The following RNF19A variants were observed in gnomAD, a reference collection of about 807,000 sequenced individuals.
RNF19A encodes the protein ring finger protein 19A, RBR E3 ubiquitin protein ligase, also known as E3 ubiquitin-protein ligase RNF19A.
RNF19A carries 32 observed loss-of-function variants against 75.7 expected under a neutral mutation model. The ratio of observed to expected loss-of-function variants is 0.42; its 90% CI spans 0.32 to 0.57. The LOEUF (loss-of-function observed/expected upper bound fraction) is 0.57. RNF19A is among the 20% of genes least tolerant of loss of function. The pLI, the probability that RNF19A is intolerant of heterozygous loss-of-function variation, is 0.10. For missense variants in RNF19A, 782 were observed against 1,036.3 expected, an observed-to-expected ratio of 0.75 and a Z score of 3.37; for synonymous variants, 335 against 345.2, an observed-to-expected ratio of 0.97 and a Z score of 0.33.
intron 1 of RNF19A, among the ~76,000 whole-genome samples, chr8:100,298,801 A>T (rs1162660757): frequency 6.6e-6 from 1 of 152,234 alleles, no homozygotes; most frequent in Non-Finnish European, 1.5e-5. Context: ...AAAGGAATAA[A>T]GCATTACTCA....
At chr8:100,266,844 T>A (rs1333962353) in intron 5 of RNF19A, among the ~76,000 whole-genome samples, 1 of 152,208 alleles carries the variant, frequency 6.6e-6, no homozygotes, top group East Asian at 1.9e-4. Flanking sequence ...TTTACTCACT[T>A]AAAACCTTCA....
intron 1 of RNF19A, among the ~76,000 whole-genome samples, chr8:100,303,005 G>C (rs1480046911): frequency 6.6e-6 from 1 of 152,206 alleles, no homozygotes; most frequent in Non-Finnish European, 1.5e-5. Flanking sequence ...CGAAAGAGCT[G>C]TTTAGTCTCT....
chr8:100,333,817 G>T lies in RNF19A; in HGVS notation c.-243+2291C>A, dbSNP rs569087052. Among the ~76,000 whole-genome samples, 133 of 152,274 alleles carry T rather than the reference G, an allele frequency of 8.7e-4. No homozygotes were observed. Among genetic ancestry groups the T allele is most frequent in the African/African-American group, 3.2e-3 (131 of 41,548 alleles). The stretch of plus-strand genomic sequence containing the variant: ...TGGGCAATAGAGTGACACCCTGTCT[G>T]TAAACAATAACAACAAAAACCGAAA... On this transcript the variant is annotated intron_variant, in intron 1 of 3. Coordinates refer to the RNF19A transcript ENST00000519527. The surrounding 1 kb of genome is among the most constrained non-coding windows in gnomAD (Gnocchi z 4.7).
In RNF19A at chr8:100,334,227, C is replaced by T. The variant is rs114382433; in HGVS notation, c.-243+1881G>A. Among the ~76,000 whole-genome samples the T allele has an allele frequency of 8.4e-3, 1,286 of 152,358 alleles. 22 individuals are homozygous for T. The highest frequency in any genetic ancestry group is 0.029 in the African/African-American group (1,212 of 41,576). On this transcript the variant is annotated intron_variant, in intron 1 of 3. Transcript: ENST00000519527. ...ATCATAGCCACAACATAATGCTTCA[C>T]GGTTCTGCCACCATTTCTTGTGTGC...
At position 100,329,728 on chromosome 8, in the gene RNF19A, G is replaced by A. The variant is rs947201802; in HGVS notation, c.-243+6380C>T. On this transcript the variant is annotated intron_variant, in intron 1 of 3. Transcript: ENST00000519527. This position sits in a 1 kb window ranked among gnomAD's most constrained non-coding sequence, Gnocchi z 4.3. ...AGAGAGAAAAGACTAGAGCAGAAAT[G>A]AAGTGTCTTCCAACACTTAAAGGAT... Among the ~76,000 whole-genome samples, 1 of 152,184 alleles carries A rather than the reference G, an allele frequency of 6.6e-6. No homozygotes were observed. Among genetic ancestry groups the A allele is most frequent in the African/African-American group, 2.4e-5 (1 of 41,434 alleles).
intron 7 of RNF19A, among the ~76,000 whole-genome samples, chr8:100,263,315 T>C (rs1819814259): frequency 6.6e-6 from 1 of 152,144 alleles, no homozygotes; most frequent in East Asian, 1.9e-4. Flanking sequence ...GGGTAGAGTC[T>C]CTACCATGTC....
At chr8:100,311,221 T>C (rs998045800), upstream of RNF19A, among the ~76,000 whole-genome samples, 4 of 152,228 alleles carry the variant, frequency 2.6e-5, no homozygotes, top group African/African-American at 7.2e-5. Context: ...CTAGGCAGTT[T>C]AGGTTTAAGT....
chr8:100,314,381 G>A (rs1822343855), upstream of RNF19A, among the ~76,000 whole-genome samples: 1 of 152,050 alleles, frequency 6.6e-6, no homozygotes, highest in Admixed American at 6.6e-5. The surrounding 1 kb of genome is among the most constrained non-coding windows in gnomAD (Gnocchi z 4.1). Flanking sequence ...AGGATCTGAG[G>A]CACAAGAGTT....
At chr8:100,318,984 C>G (rs1428909395) in intron 1 of RNF19A, among the ~76,000 whole-genome samples, 2 of 152,192 alleles carry the variant, frequency 1.3e-5, no homozygotes, top group African/African-American at 2.4e-5. Flanking sequence ...TCCTGTTGCC[C>G]TGGATAATGC....
At chr8:100,271,002 T>C (rs1243393247) in intron 3 of RNF19A, among the ~76,000 whole-genome samples, 1 of 152,138 alleles carries the variant, frequency 6.6e-6, no homozygotes, top group African/African-American at 2.4e-5. Flanking sequence ...ATATTTATAG[T>C]GCTAACCACT....
chr8:100,302,090 G>A (rs1821861937), intron 1 of RNF19A, among the ~76,000 whole-genome samples: 6 of 152,240 alleles, frequency 3.9e-5, no homozygotes, highest in Admixed American at 3.9e-4. Context: ...GCCAGGTTGT[G>A]TGGGGTTAAG....
chr8:100,271,628 A>G (rs1167202570), intron 3 of RNF19A, among the ~76,000 whole-genome samples: 1 of 152,170 alleles, frequency 6.6e-6, no homozygotes, highest in East Asian at 1.9e-4. Context: ...CAGCCTTTTA[A>G]TATGCTAAAA....
intron 5 of RNF19A, among the ~76,000 whole-genome samples, chr8:100,266,940 T>C (rs1234653223): frequency 6.6e-6 from 1 of 152,232 alleles, no homozygotes; most frequent in Admixed American, 6.5e-5. Context: ...TTTCTGATTA[T>C]AAAATGTATG....
chr8:100,278,576 G>A (rs1225043551), intron 2 of RNF19A, among the ~76,000 whole-genome samples: 9 of 152,102 alleles, frequency 5.9e-5, no homozygotes, highest in Non-Finnish European at 7.4e-5. Context: ...AACACTGAGA[G>A]TGCTTTATCT....
In RNF19A at chr8:100,257,893, A is replaced by C. The variant is rs970097975; in HGVS notation, c.*663T>G. The C allele has an allele frequency of 2.5e-6, 1 of 397,442 alleles. No individual in the cohort carries two copies. Among genetic ancestry groups the C allele is most frequent in the Admixed American group, 4.4e-5 (1 of 22,674 alleles). 24.6% of individuals were successfully genotyped at this position (397,442 alleles called of 1,614,324 possible). On this transcript the variant is annotated 3_prime_UTR_variant, in exon 10 of 10. Transcript: ENST00000341084. ...CATATGCTTAATTACTTACCTTTAC[A>C]TTTTTTCCTCTAAGATGGCATCAAC...
chr8:100,285,702 G>A (rs572221676), intron 2 of RNF19A, among the ~76,000 whole-genome samples: 39 of 151,758 alleles, frequency 2.6e-4, no homozygotes, highest in Middle Eastern at 6.8e-3. Flanking sequence ...GCGCAATCAC[G>A]GCTCACTGCA....
chr8:100,283,854 C>T (rs1208542239), intron 2 of RNF19A, among the ~76,000 whole-genome samples: 2 of 152,040 alleles, frequency 1.3e-5, no homozygotes, highest in African/African-American at 4.8e-5. Context: ...GGTCCTGACA[C>T]CGTGGCTAAC....
At chr8:100,277,173 A>T (rs1304036060) in intron 2 of RNF19A, among the ~76,000 whole-genome samples, 3 of 152,144 alleles carry the variant, frequency 2.0e-5, no homozygotes, top group African/African-American at 4.8e-5. Context: ...AATTTAGGGG[A>T]GTTTTCAGAG....
At position 100,333,206 on chromosome 8, in the gene RNF19A, C is replaced by A. The variant is rs904547818; in HGVS notation, c.-243+2902G>T. Among the ~76,000 whole-genome samples, 1 of 152,160 alleles carries A rather than the reference C, an allele frequency of 6.6e-6. No individual in the cohort carries two copies. The highest frequency in any genetic ancestry group is 1.5e-5 in the Non-Finnish European group (1 of 68,014). On this transcript the variant is annotated intron_variant, in intron 1 of 3. Transcript: ENST00000519527. This position sits in a 1 kb window ranked among gnomAD's most constrained non-coding sequence, Gnocchi z 4.7. Reference sequence around the variant, plus strand: ...CCTCTTGTCCATGTGATGCTTTCTGCCATGTAATGATGTAGCAAGATGGCC... The same window carrying A: ...CCTCTTGTCCATGTGATGCTTTCTGACATGTAATGATGTAGCAAGATGGCC...
Sources: allele counts gnomAD v4.1 joint callset (sites outside exome capture counted in the v4.1 genomes callset), GRCh38; gene constraint gnomAD v4.1.1; non-coding constraint Gnocchi (gnomAD v3.1); transcripts MANE v1.5; gene names NCBI Gene and HGNC (gene_info 2026-07-23, HGNC 2026-07-21).